The following MYOF variants were observed in gnomAD, a reference collection of about 807,000 sequenced individuals.
MYOF encodes the protein myoferlin.
In MYOF, 244 loss-of-function variants were observed where a neutral mutation model predicts 284.2. The ratio of observed to expected loss-of-function variants is 0.86; its 90% CI spans 0.77 to 0.95. The LOEUF (loss-of-function observed/expected upper bound fraction) is 0.95, where lower values mean the gene tolerates loss of function less well. MYOF is among the 40% of genes least tolerant of loss of function. MYOF has a pLI of 0.00. For missense variants in MYOF, 2,496 were observed against 2,560.6 expected, an observed-to-expected ratio of 0.97 and a Z score of 0.54; for synonymous variants, 904 against 919.7, an observed-to-expected ratio of 0.98 and a Z score of 0.31.
Position 93,360,922 on chromosome 10 carries a change from T to A in MYOF, c.2974+530A>T, listed in dbSNP as rs1388814453. Among the ~76,000 whole-genome samples the A allele has an allele frequency of 2.0e-5, 3 of 152,168 alleles. No homozygotes were observed. In the East Asian group the frequency reaches 5.8e-4, roughly 29 times the overall value. ...CTGACCAGTTGGCCCCATCACCTGATGTTTTTCACTCTTAACACCCCCTGC... is the reference window on the plus strand; with the variant it reads ...CTGACCAGTTGGCCCCATCACCTGAAGTTTTTCACTCTTAACACCCCCTGC... On this transcript the variant is annotated intron_variant, in intron 28 of 53. Coordinates refer to ENST00000359263, the MANE Select transcript of MYOF (RefSeq NM_013451.4).
intron 50 of MYOF, among the ~76,000 whole-genome samples, chr10:93,314,875 C>T (rs1023158237): frequency 1.3e-5 from 2 of 152,050 alleles, no homozygotes; most frequent in Non-Finnish European, 2.9e-5. Context: ...ATGGCAAAAC[C>T]CTGTCTCTAC....
chr10:93,447,958 T>A (rs944988011), intron 3 of MYOF, among the ~76,000 whole-genome samples: 2 of 152,216 alleles, frequency 1.3e-5, no homozygotes, highest in Non-Finnish European at 2.9e-5. Context: ...TTTTAAAATA[T>A]GTCAGATCAT....
In MYOF at chr10:93,313,127, T is replaced by G. The variant is rs1842469444; in HGVS notation, c.5782A>C (p.Lys1928Gln). Residue 1928 changes from lysine to glutamine, a missense_variant, in exon 51 of 54, where the codon AAA becomes CAA. Lys to Gln is a moderately conservative substitution (Grantham distance 53, BLOSUM62 1). Coordinates refer to ENST00000359263, the MANE Select transcript of MYOF (RefSeq NM_013451.4). ...TTGGCTTTAAGGGGGTTCATGGCTT[T>G]GAGGTCCGGAATCATGTCCAATCTG... The part of the protein sequence containing the change: ...KCRLDMIPDL[K>Q]AMNPLKAKTA... 6.2e-7 allele frequency: 1 copy of G among 1,614,112 alleles called. No individual in the cohort carries two copies. Among genetic ancestry groups the G allele is most frequent in the Non-Finnish European group, 8.5e-7 (1 of 1,179,978 alleles).
In MYOF at chr10:93,409,656, C is replaced by T. The variant is rs145218223; in HGVS notation, c.517G>A (p.Val173Met). Reference sequence around the variant, plus strand: ...CTCCGAGCAAGCTGAGCTTCCGACACCGTCCCAACTGGCCCCTTGGGCCCA... The same window carrying T: ...CTCCGAGCAAGCTGAGCTTCCGACATCGTCCCAACTGGCCCCTTGGGCCCA... ...GPGPKGPVGTVSEAQLARRLT... is the reference protein window; with the variant it reads ...GPGPKGPVGTMSEAQLARRLT... Residue 173 changes from valine (V) to methionine (M), a missense_variant, in exon 6 of 54, where the codon GTG (valine) becomes ATG (methionine). Physicochemically the swap from Val to Met is conservative, Grantham distance 21. This residue lies in a region of MYOF where 2,436 missense variants were observed against 2,480.7 expected (regional missense o/e 0.98). Transcript: ENST00000359263. 1.1e-4 allele frequency: 179 copies of T among 1,614,256 alleles called. No individual in the cohort carries two copies. The African/African-American group carries it at 1.9e-3, about 17-fold the overall frequency.
chr10:93,335,482 G>A (rs550051541), intron 41 of MYOF, among the ~76,000 whole-genome samples: 2 of 152,382 alleles, frequency 1.3e-5, no homozygotes, highest in East Asian at 3.9e-4. Flanking sequence ...GGACTGTCAA[G>A]TGAGAAGTTG....
Position 93,463,199 on chromosome 10 carries a change from C to T in MYOF, c.89-6262G>A, listed in dbSNP as rs568115174. ...GAACAGCTCTCTTAGCCAAACCACC[C>T]GCCCTCTTGCGCGGAACCATTTCCT... On this transcript the variant is annotated intron_variant, in intron 1 of 53. Coordinates refer to ENST00000359263, the MANE Select transcript of MYOF (RefSeq NM_013451.4). 2.6e-4 allele frequency among the ~76,000 whole-genome samples: 40 copies of T among 152,188 alleles called. 1 individual carries two copies. The South Asian group carries it at 5.6e-3, about 21-fold the overall frequency.
At chr10:93,313,988 C>T (rs1163287623) in intron 50 of MYOF, among the ~76,000 whole-genome samples, 10 of 152,292 alleles carry the variant, frequency 6.6e-5, no homozygotes, top group African/African-American at 2.2e-4. Context: ...GAAACAGAAG[C>T]TTGAGAAGGA....
intron 3 of MYOF, among the ~76,000 whole-genome samples, chr10:93,432,739 T>G (rs1367745451): frequency 6.6e-6 from 1 of 152,166 alleles, no homozygotes; most frequent in African/African-American, 2.4e-5. Flanking sequence ...CCTAACATAT[T>G]GGTACAGAAG....
At chr10:93,373,234 A>G (rs2133971631) in intron 23 of MYOF, 149 bp from the exon 24 acceptor site, 1 of 913,894 alleles carries the variant, frequency 1.1e-6, no homozygotes, top group Non-Finnish European at 1.7e-6. Context: ...CTGAGCTCCC[A>G]TCTTCTAGGA....
chr10:93,421,989 G>T (rs1009817404), intron 5 of MYOF, among the ~76,000 whole-genome samples: 2 of 150,648 alleles, frequency 1.3e-5, no homozygotes, highest in Admixed American at 1.3e-4. Context: ...TTAGGAAGCC[G>T]ACACACAGAA....
Position 93,369,704 on chromosome 10 carries a change from C to A in MYOF, c.2530G>T (p.Ala844Ser). ...LRVNIWLGLS[A>S]VEKKFNSFAE... ...AAGCTGTTAAACTTCTTCTCCACAGCACTTAAGCCTAGCCAGATGTTCACT... is the reference window on the plus strand; with the variant it reads ...AAGCTGTTAAACTTCTTCTCCACAGAACTTAAGCCTAGCCAGATGTTCACT... Residue 844 changes from alanine to serine, a missense_variant, in exon 25 of 54, where the codon GCT (alanine) becomes TCT (serine). This residue lies in a region of MYOF where 2,436 missense variants were observed against 2,480.7 expected (regional missense o/e 0.98). Coordinates refer to ENST00000359263, the MANE Select transcript of MYOF (RefSeq NM_013451.4). The A allele has an allele frequency of 6.2e-7, 1 of 1,614,216 alleles. No individual in the cohort carries two copies. The highest frequency in any genetic ancestry group is 8.5e-7 in the Non-Finnish European group (1 of 1,180,042).
chr10:93,423,517 C>T (rs892686734), intron 5 of MYOF, among the ~76,000 whole-genome samples: 4 of 114,842 alleles, frequency 3.5e-5, no homozygotes, highest in Non-Finnish European at 6.6e-5. Context: ...CAGAGCAAGA[C>T]TCCATCTGAA....
At chr10:93,440,576 C>G (rs2056219430) in intron 3 of MYOF, among the ~76,000 whole-genome samples, 1 of 152,180 alleles carries the variant, frequency 6.6e-6, no homozygotes, top group African/African-American at 2.4e-5. Flanking sequence ...TCCCTCTACT[C>G]AGATGTTAGC....
rs80259909 is a variant in MYOF at position 93,368,175 on chromosome 10, A to G, written c.2589+1470T>C. 7.9e-3 allele frequency among the ~76,000 whole-genome samples: 1,206 copies of G among 151,956 alleles called. 13 individuals carry two copies. Among genetic ancestry groups the G allele is most frequent in the African/African-American group, 0.027 (1,107 of 41,436 alleles). On this transcript the variant is annotated intron_variant, in intron 25 of 53. Coordinates refer to ENST00000359263, the MANE Select transcript of MYOF (RefSeq NM_013451.4). ...TCCTTACCTATGCCATGAAGCCCCT[A>G]CTCCACACAATCCAGCTGGCTGGAC...
intron 43 of MYOF, among the ~76,000 whole-genome samples, chr10:93,331,797 G>T (rs755029755): frequency 6.6e-6 from 1 of 152,078 alleles, no homozygotes; most frequent in African/African-American, 2.4e-5. Context: ...CAACAAACCC[G>T]AGAAGGAAAG....
intron 1 of MYOF, among the ~76,000 whole-genome samples, chr10:93,459,416 G>A (rs1272428439): frequency 1.3e-5 from 2 of 152,204 alleles, no homozygotes; most frequent in Non-Finnish European, 1.5e-5. Flanking sequence ...TTCTACCACA[G>A]TGTCTCTAAC....
chr10:93,382,309 G>C (rs1440204346), intron 19 of MYOF, among the ~76,000 whole-genome samples: 4 of 151,880 alleles, frequency 2.6e-5, no homozygotes, highest in African/African-American at 9.7e-5. Flanking sequence ...CATGATCACG[G>C]CTTACTACAG....
At chr10:93,462,965 T>G (rs1253856968) in intron 1 of MYOF, among the ~76,000 whole-genome samples, 1 of 152,144 alleles carries the variant, frequency 6.6e-6, no homozygotes, top group Non-Finnish European at 1.5e-5. Flanking sequence ...TTTCTTCCTA[T>G]GGAAAGCAAT....
At chr10:93,373,251 T>A (rs1490187920) in intron 23 of MYOF, among the ~76,000 whole-genome samples, 166 bp from the exon 24 acceptor site, 1 of 152,146 alleles carries the variant, frequency 6.6e-6, no homozygotes, top group Non-Finnish European at 1.5e-5. Context: ...AGGACCGCAC[T>A]GTGAGTTTGC....
Sources: allele counts gnomAD v4.1 joint callset (sites outside exome capture counted in the v4.1 genomes callset), GRCh38; gene constraint gnomAD v4.1.1; regional missense constraint gnomAD v4.1.1; transcripts MANE v1.5; gene names NCBI Gene and HGNC (gene_info 2026-07-23, HGNC 2026-07-21).